The following COL13A1 variants were observed in gnomAD, a reference collection of about 807,000 sequenced individuals.
COL13A1 encodes collagen type XIII alpha 1 chain.
COL13A1 carries 89 observed loss-of-function variants against 130.9 expected under a neutral mutation model. That is an observed-to-expected ratio of 0.68 (90% confidence interval 0.57 to 0.81). The LOEUF is 0.81. Among genes scored for constraint, COL13A1 ranks in the 30% least tolerant of loss-of-function variants. COL13A1 has a pLI of 0.00. For missense variants in COL13A1, 879 were observed against 934.6 expected (o/e 0.94, Z 0.78); for synonymous variants, 402 against 341.6 (o/e 1.18, Z -1.95).
chr10:69,803,630 G>C (rs140523267), intron 1 of COL13A1, among the ~76,000 whole-genome samples: 212 of 152,168 alleles, frequency 1.4e-3, no homozygotes, highest in Non-Finnish European at 2.3e-3. Context: ...GCAGGTCCTG[G>C]CCATGGAAGG....
At chr10:69,887,602 G>T (rs2060727007) in intron 8 of COL13A1, 111 bp downstream of exon 8, 1 of 1,183,632 alleles carries the variant, frequency 8.4e-7, no homozygotes, top group African/African-American at 1.5e-5. Flanking sequence ...CCAAACCCTG[G>T]TCATTAAGGA....
At position 69,875,266 on chromosome 10, in the gene COL13A1, G is replaced by A. The variant is rs936522324; in HGVS notation, c.435+103G>A. 3.0e-5 allele frequency: 43 copies of A among 1,413,636 alleles called. 1 individual carries two copies. The highest frequency in any genetic ancestry group is 3.9e-5 in the Non-Finnish European group (39 of 1,008,330). 87.6% of individuals were successfully genotyped at this position (1,413,636 alleles called of 1,614,324 possible). On this transcript the variant is annotated intron_variant, in intron 5 of 40. Transcript: ENST00000645393. The stretch of plus-strand genomic sequence containing the variant: ...ATGTGCTGTCTATCCCAGGCCCAAG[G>A]AGGGGGTCAGCACTTTCCCTTCCCC...
intron 28 of COL13A1, among the ~76,000 whole-genome samples, chr10:69,929,683 T>C (rs2065848819): frequency 6.6e-6 from 1 of 151,674 alleles, no homozygotes; most frequent in African/African-American, 2.4e-5. Context: ...GGGTTCTGCA[T>C]TCAGGGGAGA....
At chr10:69,826,428 G>C (rs1467868309) in intron 2 of COL13A1, among the ~76,000 whole-genome samples, 1 of 152,238 alleles carries the variant, frequency 6.6e-6, no homozygotes, top group Non-Finnish European at 1.5e-5. Flanking sequence ...TGGCATGGGG[G>C]TGATGTGGTC....
intron 17 of COL13A1, among the ~76,000 whole-genome samples, chr10:69,909,088 G>A (rs2063091031): frequency 6.6e-6 from 1 of 152,106 alleles, no homozygotes; most frequent in Non-Finnish European, 1.5e-5. Context: ...AGCTTCATGG[G>A]GACAGAGTTG....
chr10:69,894,233 TA>T (rs2061436534), intron 10 of COL13A1, among the ~76,000 whole-genome samples: 1 of 152,148 alleles, frequency 6.6e-6, no homozygotes, highest in Non-Finnish European at 1.5e-5. Context: ...GCATGTGAGG[TA>T]GGGGGTCCCA....
In COL13A1 at chr10:69,932,571, A is replaced by G; in HGVS notation, c.1695A>G (p.Gly565=). ...TGQAGSPGEK[G]EAGEKGNPGA... is the part of the protein sequence containing the mutation. ...TTTTGTGCCCACAGGGAGAGAAAGG[A>G]GAAGCCGGGGAGAAGGGCAATCCAG... Residue 565 remains glycine (G), a synonymous_variant, in exon 31 of 41, where the codon GGA becomes GGG. Coordinates refer to ENST00000645393, the MANE Select transcript of COL13A1 (RefSeq NM_001368882.1). The G allele has an allele frequency of 6.2e-7, 1 of 1,612,188 alleles. No individual in the cohort carries two copies. The highest frequency in any genetic ancestry group is 2.2e-5 in the East Asian group (1 of 44,874).
intron 12 of COL13A1, among the ~76,000 whole-genome samples, chr10:69,895,268 C>T (rs970847040): frequency 6.6e-6 from 1 of 152,216 alleles, no homozygotes; most frequent in Admixed American, 6.5e-5. Context: ...TGGGGCATAA[C>T]TCCCGACTCT....
At chr10:69,853,412 C>T (rs958902100) in intron 2 of COL13A1, among the ~76,000 whole-genome samples, 1 of 152,214 alleles carries the variant, frequency 6.6e-6, no homozygotes, top group East Asian at 1.9e-4. Flanking sequence ...TTCCAGCCTC[C>T]GATTCCTCAT....
In COL13A1 at chr10:69,917,342, C is replaced by A. The variant is rs1437545713; in HGVS notation, c.966+9C>A. The A allele has an allele frequency of 6.8e-6, 11 of 1,612,726 alleles. No homozygotes were observed. The highest frequency in any genetic ancestry group is 9.3e-6 in the Non-Finnish European group (11 of 1,179,340). ...GCAAGCATGGAGCCAAGGTACCTCC[C>A]CCTTCCCCACATCCCAGGCAGCCCC... is the stretch of plus-strand genomic sequence containing the variant. On this transcript the variant is annotated intron_variant, in intron 18 of 40. Coordinates refer to ENST00000645393, the MANE Select transcript of COL13A1 (RefSeq NM_001368882.1).
In COL13A1 at chr10:69,887,408, G is replaced by C. The variant is rs746076319; in HGVS notation, c.514-48G>C. On this transcript the variant is annotated intron_variant, in intron 7 of 40. Coordinates refer to ENST00000645393, the MANE Select transcript of COL13A1 (RefSeq NM_001368882.1). ...AACTGGAGGCCTAGGGATTGGCTCTGTCTCCTCCTTGCTCAATCTCATGTG... is the reference window on the plus strand; with the variant it reads ...AACTGGAGGCCTAGGGATTGGCTCTCTCTCCTCCTTGCTCAATCTCATGTG... The C allele has an allele frequency of 1.7e-5, 27 of 1,598,598 alleles. 1 individual carries two copies. The East Asian group carries it at 2.7e-4, about 16-fold the overall frequency.
chr10:69,852,186 A>G (rs553633429), intron 2 of COL13A1, among the ~76,000 whole-genome samples: 2 of 152,208 alleles, frequency 1.3e-5, no homozygotes, highest in East Asian at 3.9e-4. Flanking sequence ...AAGCTAAAGC[A>G]TTTTCCCAAA....
chr10:69,814,658 A>G (rs1843973246), intron 1 of COL13A1, among the ~76,000 whole-genome samples: 1 of 152,174 alleles, frequency 6.6e-6, no homozygotes, highest in Non-Finnish European at 1.5e-5. Flanking sequence ...GGGGTTATAG[A>G]TTTTGCTTAA....
rs756823341 is a variant in COL13A1 at position 69,945,731 on chromosome 10, C to A, written c.2022+7C>A. 1 of 1,610,734 alleles carries A rather than the reference C, an allele frequency of 6.2e-7. No individual in the cohort carries two copies. The highest frequency in any genetic ancestry group is 8.5e-7 in the Non-Finnish European group (1 of 1,178,496). On this transcript the variant is annotated splice_region_variant and intron_variant, in intron 37 of 40. Transcript: ENST00000645393. ...GGGAGCAGCTGGGCTTCCTGTGAGT[C>A]TCTTGGGATCAGAGGTTCCTCTCCT...
At chr10:69,905,509 C>T (rs2062659260) in intron 16 of COL13A1, among the ~76,000 whole-genome samples, 1 of 152,172 alleles carries the variant, frequency 6.6e-6, no homozygotes, top group Admixed American at 6.5e-5. Context: ...TCAATAGAAT[C>T]AGGTCTCCTG....
At chr10:69,886,565 A>T (rs918330637) in intron 7 of COL13A1, among the ~76,000 whole-genome samples, 1 of 152,164 alleles carries the variant, frequency 6.6e-6, no homozygotes, top group Non-Finnish European at 1.5e-5. Flanking sequence ...AAAGGAAACT[A>T]ATATGGTTGA....
At chr10:69,803,082 C>G (rs1459033535) in intron 1 of COL13A1, among the ~76,000 whole-genome samples, 1 of 152,184 alleles carries the variant, frequency 6.6e-6, no homozygotes, top group Non-Finnish European at 1.5e-5. Flanking sequence ...AGCCGCCCCG[C>G]GCCCGCGCAG....
In COL13A1 at chr10:69,802,140, G is replaced by T. The variant is rs1269037654; in HGVS notation, c.-284G>T. ...AAGGGAAAGACTGGGCGGAGAGAAG[G>T]AGAGCCGGTCAGATTCCCCTAACTT... On this transcript the variant is annotated 5_prime_UTR_variant, in exon 1 of 41. Transcript: ENST00000645393. The T allele has an allele frequency of 2.6e-6, 1 of 390,192 alleles. No individual in the cohort carries two copies. Among genetic ancestry groups the T allele is most frequent in the Non-Finnish European group, 4.5e-6 (1 of 222,124 alleles). The allele number at this position is 390,192 out of a possible 1,614,324, so 24.2% of individuals were successfully genotyped here.
intron 2 of COL13A1, among the ~76,000 whole-genome samples, chr10:69,838,738 G>T (rs775700516): frequency 1.3e-5 from 2 of 152,214 alleles, no homozygotes; most frequent in African/African-American, 2.4e-5. Flanking sequence ...TATACAGAGC[G>T]CCAGGCATGC....
Sources: allele counts gnomAD v4.1 joint callset (sites outside exome capture counted in the v4.1 genomes callset), GRCh38; gene constraint gnomAD v4.1.1; transcripts MANE v1.5; gene names NCBI Gene and HGNC (gene_info 2026-07-23, HGNC 2026-07-21).